The following SCARA3 variants were observed in gnomAD, a reference collection of about 807,000 sequenced individuals.
SCARA3 encodes cellular stress response gene protein.
Under a neutral mutation model 47.0 loss-of-function variants are expected in SCARA3, and 39 were observed. The ratio of observed to expected loss-of-function variants is 0.83; its 90% CI spans 0.64 to 1.08. The LOEUF is 1.08. Ranked by LOEUF, SCARA3 falls within the 50% of genes least tolerant of loss-of-function variation. The pLI is 0.00. For missense variants in SCARA3, 724 were observed against 792.3 expected (o/e 0.91, Z 1.04); for synonymous variants, 356 against 334.1 (o/e 1.07, Z -0.71).
At chr8:27,732,793 A>T in the SCARA3 span, among the ~76,000 whole-genome samples, 1 of 152,262 alleles carries the variant, frequency 6.6e-6, no homozygotes, top group Non-Finnish European at 1.5e-5. Context: ...TAAACATTTA[A>T]GAATTCAAAT....
chr8:27,635,770 T>G (rs1366420201), intron 1 of SCARA3, among the ~76,000 whole-genome samples: 1 of 152,216 alleles, frequency 6.6e-6, no homozygotes, highest in Admixed American at 6.5e-5. Context: ...TCTTATAATT[T>G]TTTAACAAGT....
chr8:27,634,729 G>C (rs1207813384), intron 1 of SCARA3, among the ~76,000 whole-genome samples: 6 of 152,152 alleles, frequency 3.9e-5, no homozygotes, highest in African/African-American at 1.4e-4. Context: ...AACCCTGCCT[G>C]ACCCACCCTC....
Position 27,659,218 on chromosome 8 carries a change from A to G in SCARA3, c.1048A>G (p.Met350Val), listed in dbSNP as rs762882791. The change falls in exon 5 of 6, where the codon ATG becomes GTG. Residue 350 changes from methionine to valine, a missense_variant. Transcript: ENST00000301904. ...VERFESLEGRMASHEIEIGTI... is the reference protein window; with the variant it reads ...VERFESLEGRVASHEIEIGTI... Reference sequence around the variant, plus strand: ...GAGGTTTGAGTCTCTGGAAGGACGCATGGCTTCTCACGAGATTGAAATTGG... The same window carrying G: ...GAGGTTTGAGTCTCTGGAAGGACGCGTGGCTTCTCACGAGATTGAAATTGG... The G allele has an allele frequency of 1.2e-6, 2 of 1,614,142 alleles. No individual in the cohort carries two copies. Among genetic ancestry groups the G allele is most frequent in the Non-Finnish European group, 1.7e-6 (2 of 1,180,028 alleles).
chr8:27,718,268 T>C, the SCARA3 span, among the ~76,000 whole-genome samples: 1 of 152,250 alleles, frequency 6.6e-6, no homozygotes, highest in Non-Finnish European at 1.5e-5. Context: ...TGGACTGCTG[T>C]GGATGTATCT....
chr8:27,731,994 A>T, the SCARA3 span, among the ~76,000 whole-genome samples: 1 of 152,220 alleles, frequency 6.6e-6, no homozygotes, highest in Non-Finnish European at 1.5e-5. Flanking sequence ...CTGACAGATC[A>T]GCCTTTACCA....
In SCARA3 at chr8:27,634,012, G is replaced by T; in HGVS notation, c.-189G>T. 2.9e-6 allele frequency: 1 copy of T among 346,176 alleles called. No homozygotes were observed. The highest frequency in any genetic ancestry group is 5.0e-6 in the Non-Finnish European group (1 of 199,592). The allele number at this position is 346,176 out of a possible 1,614,324, so 21.4% of individuals were successfully genotyped here. On this transcript the variant is annotated 5_prime_UTR_variant, in exon 1 of 6. Transcript: ENST00000301904. Reference sequence around the variant, plus strand: ...GGGCTTCCCCAGGCTGCGACCCCGCGGGACCCTCCACTCCTCCCGCCGCCT... The same window carrying T: ...GGGCTTCCCCAGGCTGCGACCCCGCTGGACCCTCCACTCCTCCCGCCGCCT...
the SCARA3 span, among the ~76,000 whole-genome samples, chr8:27,693,463 T>G: frequency 6.6e-6 from 1 of 152,220 alleles, no homozygotes; most frequent in Non-Finnish European, 1.5e-5. Flanking sequence ...AACTGACTCT[T>G]TCTGGGGAGA....
Position 27,671,186 on chromosome 8 carries a change from G to C in SCARA3, c.1656G>C (p.Pro552=), listed in dbSNP as rs202229371. The C allele has an allele frequency of 6.6e-7, 1 of 1,515,638 alleles. No homozygotes were observed. The highest frequency in any genetic ancestry group is 1.4e-5 in the African/African-American group (1 of 70,768). The allele number at this position is 1,515,638 out of a possible 1,614,324, so 93.9% of individuals were successfully genotyped here. Residue 552 remains proline (P), a synonymous_variant, in exon 6 of 6, where the codon CCG becomes CCC. Coordinates refer to ENST00000301904, the MANE Select transcript of SCARA3 (RefSeq NM_016240.3). ...GGCCCCCAGGGCCAGAAGGGCCCCC[G>C]GGGTCTCCAGGGCCCTCAGGGCCTC... is the stretch of plus-strand genomic sequence containing the variant. ...DIGPPGPEGP[P]GSPGPSGPQG... is the part of the protein sequence containing the mutation.
chr8:27,647,193 G>T (rs986265102), intron 1 of SCARA3, among the ~76,000 whole-genome samples: 1 of 152,118 alleles, frequency 6.6e-6, no homozygotes. Flanking sequence ...AGGCACACAC[G>T]CAGGCATGCA....
the SCARA3 span, among the ~76,000 whole-genome samples, chr8:27,698,305 C>T: frequency 6.6e-6 from 1 of 152,168 alleles, no homozygotes; most frequent in Non-Finnish European, 1.5e-5. Flanking sequence ...TGAGAGACAA[C>T]TGACTATTGT....
chr8:27,638,975 G>T (rs1315862934), intron 1 of SCARA3, among the ~76,000 whole-genome samples: 1 of 152,116 alleles, frequency 6.6e-6, no homozygotes, highest in Non-Finnish European at 1.5e-5. Context: ...CAGCCTCGAA[G>T]ATGTGACATG....
In SCARA3 at chr8:27,671,770, A is replaced by G. The variant is rs570544573; in HGVS notation, c.*419A>G. ...TATGCACAGGCACACACATGTACGC[A>G]CACACACATGCACTGCACACATATC... On this transcript the variant is annotated 3_prime_UTR_variant, in exon 6 of 6. Transcript: ENST00000301904. The G allele has an allele frequency of 3.8e-5, 38 of 999,116 alleles. No homozygotes were observed. The highest frequency in any genetic ancestry group is 6.0e-5 in the Admixed American group (1 of 16,616). The allele number at this position is 999,116 out of a possible 1,614,324, so 61.9% of individuals were successfully genotyped here.
chr8:27,672,626 G>T lies in SCARA3; in HGVS notation c.*1275G>T. ...AGCCAGCTGGACTAGGAGTGGGAAG[G>T]GCCTGGACACTCACAGAGGCCCCCT... On this transcript the variant is annotated 3_prime_UTR_variant, in exon 6 of 6. Transcript: ENST00000301904. 1.0e-6 allele frequency: 1 copy of T among 985,548 alleles called. No homozygotes were observed. The highest frequency in any genetic ancestry group is 1.2e-6 in the Non-Finnish European group (1 of 830,050). The allele number at this position is 985,548 out of a possible 1,614,324, so 61.1% of individuals were successfully genotyped here.
chr8:27,706,961 C>G, the SCARA3 span, among the ~76,000 whole-genome samples: 5 of 152,188 alleles, frequency 3.3e-5, no homozygotes, highest in Non-Finnish European at 7.4e-5. Context: ...CACCTATCTT[C>G]AGAATGCTAG....
chr8:27,643,900 G>T (rs1404079674), intron 1 of SCARA3, among the ~76,000 whole-genome samples: 5 of 152,146 alleles, frequency 3.3e-5, no homozygotes, highest in African/African-American at 2.4e-5. Context: ...AAGAAAGCCG[G>T]CATTGGTGAC....
the SCARA3 span, among the ~76,000 whole-genome samples, chr8:27,715,497 G>A: frequency 6.6e-6 from 1 of 151,940 alleles, no homozygotes; most frequent in Non-Finnish European, 1.5e-5. The surrounding 1 kb of genome is among the most constrained non-coding windows in gnomAD (Gnocchi z 4.2). Flanking sequence ...CTCCGCAGCA[G>A]CTACTTCTCC....
At chr8:27,640,752 A>G (rs1012164393) in intron 1 of SCARA3, among the ~76,000 whole-genome samples, 10 of 152,054 alleles carry the variant, frequency 6.6e-5, no homozygotes, top group African/African-American at 9.7e-5. Context: ...GCTGGAGGGT[A>G]GTGGCACTAT....
At chr8:27,638,984 T>G (rs986986272) in intron 1 of SCARA3, among the ~76,000 whole-genome samples, 1 of 152,100 alleles carries the variant, frequency 6.6e-6, no homozygotes, top group African/African-American at 2.4e-5. Context: ...AGATGTGACA[T>G]GTGGGAGCTG....
In SCARA3 at chr8:27,634,183, G is replaced by A. The variant is rs772492006; in HGVS notation, c.-18G>A. On this transcript the variant is annotated 5_prime_UTR_variant, in exon 1 of 6. Coordinates refer to ENST00000301904, the MANE Select transcript of SCARA3 (RefSeq NM_016240.3). ...CCGCCTGCAGCGGGGCCCTCCTGAG[G>A]CCCCAGAGGAAGAGACCATGAAAGG... The A allele has an allele frequency of 6.2e-5, 89 of 1,429,196 alleles. No homozygotes were observed. The highest frequency in any genetic ancestry group is 7.9e-5 in the Non-Finnish European group (87 of 1,096,628). 88.5% of individuals were successfully genotyped at this position (1,429,196 alleles called of 1,614,324 possible).
Sources: allele counts gnomAD v4.1 joint callset (sites outside exome capture counted in the v4.1 genomes callset), GRCh38; gene constraint gnomAD v4.1.1; non-coding constraint Gnocchi (gnomAD v3.1); transcripts MANE v1.5; gene names NCBI Gene and HGNC (gene_info 2026-07-23, HGNC 2026-07-21).